PCDHA5: variants seen among roughly 807,000 people sequenced by gnomAD.
PCDHA5 encodes protocadherin alpha-5.
Under a neutral mutation model 61.6 loss-of-function variants are expected in PCDHA5, and 43 were observed. The ratio of observed to expected loss-of-function variants is 0.70; its 90% CI spans 0.55 to 0.90. PCDHA5 has a LOEUF of 0.90. Ranked by LOEUF, PCDHA5 falls within the 40% of genes least tolerant of loss-of-function variation. The pLI is 0.00. For missense variants in PCDHA5, 1,298 were observed against 1,222.7 expected, an observed-to-expected ratio of 1.06 and a Z score of -0.92; for synonymous variants, 627 against 543.9, an observed-to-expected ratio of 1.15 and a Z score of -2.13.
intron 1 of PCDHA5, chr5:140,829,800 T>A (rs2150175020): frequency 1.9e-6 from 3 of 1,613,688 alleles, no homozygotes; most frequent in East Asian, 2.2e-5. Flanking sequence ...GCGCCTCGGG[T>A]GGGTGGTACT....
At chr5:140,874,530 G>T (rs1332198120) in intron 1 of PCDHA5, among the ~76,000 whole-genome samples, 2 of 152,200 alleles carry the variant, frequency 1.3e-5, no homozygotes, top group Admixed American at 6.5e-5. Flanking sequence ...ATGAGATTAG[G>T]CTCCAAAACC....
intron 1 of PCDHA5, chr5:140,854,215 G>A: frequency 1.5e-6 from 1 of 645,326 alleles, no homozygotes; most frequent in Non-Finnish European, 1.9e-6. Flanking sequence ...TTCAATATTG[G>A]ACATCTACAT....
At chr5:140,842,144 G>A (rs2150330322) in intron 1 of PCDHA5, 1 of 1,613,850 alleles carries the variant, frequency 6.2e-7, no homozygotes, top group African/African-American at 1.3e-5. Flanking sequence ...AGGAGCCAAT[G>A]GGGCAATTTC....
chr5:140,935,389 C>T (rs559765340), intron 1 of PCDHA5, among the ~76,000 whole-genome samples: 20 of 152,288 alleles, frequency 1.3e-4, no homozygotes, highest in African/African-American at 4.8e-4. Flanking sequence ...CATTTGTTAT[C>T]CCACGGGACT....
At chr5:140,841,325 GA>G in intron 1 of PCDHA5, 4 of 1,608,154 alleles carry the variant, frequency 2.5e-6, no homozygotes, top group Non-Finnish European at 3.4e-6. Flanking sequence ...ATTTAACATG[GA>G]TTATCACTGG....
chr5:140,830,895 T>C (rs2150190281), intron 1 of PCDHA5: 4 of 152,692 alleles, frequency 2.6e-5, no homozygotes, highest in Non-Finnish European at 2.9e-5. Flanking sequence ...GTATCACTTA[T>C]GTTTTTACAC....
chr5:140,928,569 G>A (rs2085338493), intron 1 of PCDHA5: 2 of 1,614,202 alleles, frequency 1.2e-6, no homozygotes, highest in Non-Finnish European at 1.7e-6. Flanking sequence ...TGTTTCCCTT[G>A]CCCAGAAATG....
intron 1 of PCDHA5, chr5:140,927,707 T>G (rs1224984801): frequency 6.2e-7 from 1 of 1,614,080 alleles, no homozygotes; most frequent in African/African-American, 1.3e-5. Flanking sequence ...CAGTACTCCC[T>G]AAGCAACAGC....
chr5:140,883,355 A>T (rs763058953), intron 1 of PCDHA5: 2 of 1,614,076 alleles, frequency 1.2e-6, no homozygotes, highest in Admixed American at 3.3e-5. Context: ...CAGAGAAGAC[A>T]CTCAGCCTAG....
chr5:140,859,624 G>A (rs11749013), intron 1 of PCDHA5: 1 of 160,568 alleles, frequency 6.2e-6, no homozygotes, highest in Non-Finnish European at 1.4e-5. Flanking sequence ...TTCTCTTTGA[G>A]TATGGAGATT....
chr5:140,860,143 G>A (rs1226085674), intron 1 of PCDHA5: 2 of 148,758 alleles, frequency 1.3e-5, no homozygotes, highest in Non-Finnish European at 3.0e-5. Context: ...GTATATATAT[G>A]TATATATGTG....
intron 1 of PCDHA5, among the ~76,000 whole-genome samples, chr5:140,952,338 CA>C (rs55931446): frequency 8.7e-4 from 117 of 135,030 alleles, no homozygotes; most frequent in South Asian, 1.2e-3. Flanking sequence ...AACTCCATCT[CA>C]AAAAAAAAAA....
At chr5:140,841,688 G>A in intron 1 of PCDHA5, 1 of 1,613,948 alleles carries the variant, frequency 6.2e-7, no homozygotes, top group Non-Finnish European at 8.5e-7. Flanking sequence ...GGACGTGGAG[G>A]TGAAGGATGT....
At chr5:140,848,906 A>G (rs2150424072) in intron 1 of PCDHA5, 1 of 1,608,234 alleles carries the variant, frequency 6.2e-7, no homozygotes, top group African/African-American at 1.4e-5. Flanking sequence ...CAGCGACACA[A>G]AAGAATCTGT....
intron 3 of PCDHA5, among the ~76,000 whole-genome samples, chr5:140,997,495 C>T (rs1255911617): frequency 6.6e-6 from 1 of 152,078 alleles, no homozygotes; most frequent in East Asian, 1.9e-4. Context: ...ATTTGTGTAT[C>T]TCAACATACC....
intron 1 of PCDHA5, among the ~76,000 whole-genome samples, chr5:140,897,735 C>G (rs2066294879): frequency 6.6e-6 from 1 of 152,160 alleles, no homozygotes; most frequent in Non-Finnish European, 1.5e-5. Flanking sequence ...AATAGTATTT[C>G]TAGTTCTAGA....
At position 140,822,564 on chromosome 5, in the gene PCDHA5, GA is replaced by G; in HGVS notation, c.791del (p.Asn264ThrfsTer13). 6.2e-7 allele frequency: 1 copy of G among 1,613,090 alleles called. No homozygotes were observed. Among genetic ancestry groups the G allele is most frequent in the Non-Finnish European group, 8.5e-7 (1 of 1,179,226 alleles). On this transcript the variant is annotated frameshift_variant, in exon 1 of 4. Coordinates refer to ENST00000529859, the MANE Select transcript of PCDHA5 (RefSeq NM_018908.3). LOFTEE classifies it high-confidence loss of function. ...APSGTLVIKL[N>X]ASDADEGINK... ...CAAGTGGGACATTAGTTATTAAACT[GA>G]ACGCCTCAGATGCAGATGAGGGCAT...
intron 1 of PCDHA5, chr5:140,869,914 G>A (rs782742972): frequency 6.2e-7 from 1 of 1,611,078 alleles, no homozygotes; most frequent in South Asian, 1.1e-5. Context: ...AGACCGAGAC[G>A]AAGGAGTCAA....
chr5:140,877,027 G>T lies in PCDHA5; in HGVS notation c.2352+52900G>T, dbSNP rs376609696. 1.3e-4 allele frequency: 211 copies of T among 1,612,282 alleles called. No individual in the cohort carries two copies. Among genetic ancestry groups the T allele is most frequent in the Admixed American group, 2.7e-4 (16 of 60,002 alleles). On this transcript the variant is annotated intron_variant, in intron 1 of 3. Coordinates refer to ENST00000529859, the MANE Select transcript of PCDHA5 (RefSeq NM_018908.3). ...GCACGCGGAGAGCGGCAAGGTGTAC[G>T]CGCTGCAGCCGCTAGACCACGAGGA...
Sources: gnomAD v4.1 joint callset for allele counts (sites outside exome capture counted in the v4.1 genomes callset) on GRCh38, gnomAD v4.1.1 for gene constraint, MANE v1.5 for transcripts, NCBI Gene and HGNC (gene_info 2026-07-23, HGNC 2026-07-21) for gene names.